CACNA1A: variants seen among roughly 807,000 people sequenced by gnomAD.
CACNA1A encodes the protein calcium voltage-gated channel subunit alpha1 A, also known as voltage-dependent P/Q-type calcium channel subunit alpha-1A.
In CACNA1A, 57 loss-of-function variants were observed where a neutral mutation model predicts 262.4. The observed-to-expected ratio is 0.22, with a 90% CI of 0.18 to 0.27. CACNA1A has a LOEUF of 0.27. CACNA1A is among the 10% of genes least tolerant of loss of function. The pLI is 1.00. For synonymous variants in CACNA1A, 1,431 were observed against 1,419.3 expected, an observed-to-expected ratio of 1.01 and a Z score of -0.18; for missense variants, 2,526 against 3,562.8, an observed-to-expected ratio of 0.71 and a Z score of 7.41.
At chr19:13,433,482 A>AAAAAAAAAAAAAAAAAAAAC in intron 3 of CACNA1A, among the ~76,000 whole-genome samples, 1 of 137,112 alleles carries the variant, frequency 7.3e-6, no homozygotes, top group Non-Finnish European at 1.6e-5. Context: ...AAAAAAAAAA[A>AAAAAAAAAAAAAAAAAAAAC]AGTCAGCTGA....
intron 11 of CACNA1A, chr19:13,316,529 G>C (rs2058129696): frequency 6.8e-6 from 1 of 146,258 alleles, no homozygotes; most frequent in Non-Finnish European, 1.5e-5. Flanking sequence ...GAAGTATTAG[G>C]TTGGTGCAAA....
At chr19:13,290,923 A>G (rs2057522286) in intron 19 of CACNA1A, among the ~76,000 whole-genome samples, 1 of 152,162 alleles carries the variant, frequency 6.6e-6, no homozygotes, top group Non-Finnish European at 1.5e-5. Flanking sequence ...GCAGATGGAA[A>G]AGGGTCTGCC....
intron 4 of CACNA1A, among the ~76,000 whole-genome samples, chr19:13,369,917 G>C (rs1185726171): frequency 6.6e-6 from 1 of 152,184 alleles, no homozygotes; most frequent in Admixed American, 6.6e-5. Flanking sequence ...GATCCTGCTG[G>C]TGATCCTCTG....
chr19:13,233,558 G>A (rs933511438), intron 34 of CACNA1A, among the ~76,000 whole-genome samples: 1 of 152,142 alleles, frequency 6.6e-6, no homozygotes, highest in Admixed American at 6.5e-5. Flanking sequence ...CACAATCATA[G>A]CTTACTGTAG....
At chr19:13,411,235 A>C (rs2060104421) in intron 3 of CACNA1A, among the ~76,000 whole-genome samples, 1 of 152,216 alleles carries the variant, frequency 6.6e-6, no homozygotes, top group South Asian at 2.1e-4. Flanking sequence ...CCACCTAGTC[A>C]GTCTCCTTCC....
intron 1 of CACNA1A, among the ~76,000 whole-genome samples, chr19:13,487,747 T>C (rs969474742): frequency 6.6e-6 from 1 of 152,026 alleles, no homozygotes; most frequent in East Asian, 1.9e-4. Flanking sequence ...TTTTTAAAAT[T>C]CATGCTTATT....
chr19:13,506,327 G>A lies in CACNA1A; in HGVS notation c.-103C>T. The A allele has an allele frequency of 8.9e-7, 1 of 1,127,154 alleles. No homozygotes were observed. Among genetic ancestry groups the A allele is most frequent in the African/African-American group, 1.7e-5 (1 of 60,320 alleles). The allele number at this position is 1,127,154 out of a possible 1,614,324, so 69.8% of individuals were successfully genotyped here. ...GATGCTGAGGCTGCCGGGGCTGGGA[G>A]CGCGGCGGCTGGAGCTACGACTGCG... is the stretch of plus-strand genomic sequence containing the variant. On this transcript the variant is annotated 5_prime_UTR_variant, in exon 1 of 47. Transcript: ENST00000360228.
At chr19:13,472,720 C>T (rs542683578) in intron 1 of CACNA1A, among the ~76,000 whole-genome samples, 13 of 152,310 alleles carry the variant, frequency 8.5e-5, no homozygotes, top group South Asian at 2.1e-4. Context: ...TTATCCTCTA[C>T]GCAAAGGGCC....
rs543229182 is a variant in CACNA1A at position 13,314,156 on chromosome 19, G to T, written c.1556-1375C>A. On this transcript the variant is annotated intron_variant, in intron 11 of 46. Transcript: ENST00000360228. ...GGCTTTCTTGGTAGGGTAGGAAGAT[G>T]AGGAGTTAGGAAGGGCGTGGGTACT... Among the ~76,000 whole-genome samples, 4 of 152,342 alleles carry T rather than the reference G, an allele frequency of 2.6e-5. No individual in the cohort carries two copies. The South Asian group carries it at 8.3e-4, about 32-fold the overall frequency.
intron 6 of CACNA1A, among the ~76,000 whole-genome samples, chr19:13,345,203 C>T (rs1409728555): frequency 1.3e-5 from 2 of 152,196 alleles, no homozygotes; most frequent in Non-Finnish European, 1.5e-5. Context: ...ATACTCCCCA[C>T]ATCTTCCTCG....
intron 3 of CACNA1A, among the ~76,000 whole-genome samples, chr19:13,385,230 C>CTTT (rs911743392): frequency 4.3e-5 from 6 of 139,668 alleles, no homozygotes; most frequent in African/African-American, 5.5e-5. Flanking sequence ...TTCTTTCTTT[C>CTTT]TTTTTTTTTT....
In CACNA1A at chr19:13,207,076, T is replaced by TG. The variant is rs898838950; in HGVS notation, c.*236dup. 10 of 273,338 alleles carry TG rather than the reference T, an allele frequency of 3.7e-5. No individual in the cohort carries two copies. The highest frequency in any genetic ancestry group is 1.2e-4 in the Admixed American group (2 of 16,376). The allele number at this position is 273,338 out of a possible 1,614,324, so 16.9% of individuals were successfully genotyped here. A position where few individuals can be genotyped will look rare whatever the true frequency, so the allele number is the denominator to read the frequency against. On this transcript the variant is annotated 3_prime_UTR_variant, in exon 47 of 47. Transcript: ENST00000360228. The surrounding 1 kb of genome is among the most constrained non-coding windows in gnomAD (Gnocchi z 5.7). The stretch of plus-strand genomic sequence containing the variant: ...CCCACCCGAGAGCCCCTGTCGTGGG[T>TG]GGGGGGATCGGGGCTGGTTGGGGGG...
chr19:13,334,340 G>T, intron 8 of CACNA1A, 38 bp downstream of exon 8: 2 of 1,063,020 alleles, frequency 1.9e-6, no homozygotes, highest in Non-Finnish European at 3.0e-6. Flanking sequence ...CGTGGCCTGG[G>T]ATCTCCATCC....
chr19:13,355,377 TAA>T (rs1214321974), intron 6 of CACNA1A, among the ~76,000 whole-genome samples: 1 of 152,164 alleles, frequency 6.6e-6, no homozygotes, highest in African/African-American at 2.4e-5. Flanking sequence ...TGTCAGACCA[TAA>T]ATTCCTGTTG....
chr19:13,424,114 C>G (rs985416287), intron 3 of CACNA1A, among the ~76,000 whole-genome samples: 1 of 152,166 alleles, frequency 6.6e-6, no homozygotes, highest in South Asian at 2.1e-4. Flanking sequence ...TTTGGGAGGC[C>G]GAGGCTGGCA....
intron 3 of CACNA1A, among the ~76,000 whole-genome samples, chr19:13,434,974 G>A (rs945641208): frequency 1.3e-5 from 2 of 151,866 alleles, no homozygotes; most frequent in African/African-American, 4.8e-5. Context: ...ACTTTTAGTA[G>A]AGACAGGATT....
intron 3 of CACNA1A, among the ~76,000 whole-genome samples, chr19:13,427,820 C>G (rs368440568): frequency 6.6e-6 from 1 of 152,300 alleles, no homozygotes; most frequent in East Asian, 1.9e-4. Flanking sequence ...CACACACACT[C>G]TGGGATCACA....
At chr19:13,254,992 G>T in intron 29 of CACNA1A, 103 bp downstream of exon 29, 1 of 1,200,614 alleles carries the variant, frequency 8.3e-7, no homozygotes. Context: ...GTGATCCAGA[G>T]TGTGGTCTGT....
chr19:13,238,644 G>A (rs1436334765), intron 31 of CACNA1A, among the ~76,000 whole-genome samples: 1 of 151,512 alleles, frequency 6.6e-6, no homozygotes, highest in African/African-American at 2.4e-5. Flanking sequence ...GGAGTGCAAT[G>A]GCACGACCTC....
Sources: allele counts gnomAD v4.1 joint callset (sites outside exome capture counted in the v4.1 genomes callset), GRCh38; gene constraint gnomAD v4.1.1; non-coding constraint Gnocchi (gnomAD v3.1); transcripts MANE v1.5; gene names NCBI Gene and HGNC (gene_info 2026-07-23, HGNC 2026-07-21).